The following FAM53A variants were observed in gnomAD, a reference collection of about 807,000 sequenced individuals.
FAM53A encodes family with sequence similarity 53 member A, also known as protein FAM53A.
Under a neutral mutation model 26.6 loss-of-function variants are expected in FAM53A, and 28 were observed. That is an observed-to-expected ratio of 1.05 (90% CI 0.78 to 1.45). The LOEUF (loss-of-function observed/expected upper bound fraction) is 1.45. Ranked by LOEUF, FAM53A falls within the 40% of genes most tolerant of loss-of-function variation. FAM53A has a pLI of 0.00. For missense variants in FAM53A, 650 were observed against 575.8 expected (o/e 1.13, Z -1.32); for synonymous variants, 290 against 253.1 (o/e 1.15, Z -1.38).
chr4:1,583,745 G>T, the FAM53A span, among the ~76,000 whole-genome samples: 2 of 152,214 alleles, frequency 1.3e-5, no homozygotes, highest in Non-Finnish European at 2.9e-5. Context: ...CCGGCTCATG[G>T]GTGGGCACCT....
intron 1 of FAM53A, among the ~76,000 whole-genome samples, chr4:1,681,772 G>C (rs1186220529): frequency 6.6e-6 from 1 of 152,044 alleles, no homozygotes; most frequent in Admixed American, 6.6e-5. Flanking sequence ...CAAAATGCTG[G>C]GGTTACAGGT....
At chr4:1,612,082 G>A in the FAM53A span, among the ~76,000 whole-genome samples, 1 of 152,178 alleles carries the variant, frequency 6.6e-6, no homozygotes, top group Non-Finnish European at 1.5e-5. Context: ...TTTGGCTGAT[G>A]AATTGAATGG....
the FAM53A span, among the ~76,000 whole-genome samples, chr4:1,592,197 A>G: frequency 6.6e-6 from 1 of 152,164 alleles, no homozygotes; most frequent in Non-Finnish European, 1.5e-5. Flanking sequence ...GATACCATCA[A>G]ACACCCCAGG....
At chr4:1,602,538 G>A in the FAM53A span, among the ~76,000 whole-genome samples, 72 of 152,298 alleles carry the variant, frequency 4.7e-4, no homozygotes, top group African/African-American at 1.4e-3. Context: ...TATCGGCAGC[G>A]GCCTCGAAAA....
At chr4:1,588,153 C>T in the FAM53A span, among the ~76,000 whole-genome samples, 1 of 152,200 alleles carries the variant, frequency 6.6e-6, no homozygotes, top group African/African-American at 2.4e-5. Context: ...CTGGGATTTT[C>T]CCATTCTCCA....
the FAM53A span, among the ~76,000 whole-genome samples, chr4:1,585,268 CTCTCTCTCTTT>C: frequency 9.0e-5 from 9 of 100,114 alleles, no homozygotes; most frequent in South Asian, 1.9e-3. Context: ...TACTCTCTCT[CTCTCTCTCTTT>C]TTTTTTTTTT....
chr4:1,675,307 G>A (rs1714968820), intron 1 of FAM53A, among the ~76,000 whole-genome samples: 1 of 152,130 alleles, frequency 6.6e-6, no homozygotes, highest in South Asian at 2.1e-4. Flanking sequence ...CTGAGCTCCG[G>A]GAAGCACAGC....
intron 2 of FAM53A, 42 bp downstream of exon 2, chr4:1,668,625 G>A (rs766003876): frequency 7.5e-6 from 12 of 1,604,960 alleles, no homozygotes; most frequent in Middle Eastern, 1.7e-4. Context: ...GTGACAGCAC[G>A]GGGGAGGGGC....
the FAM53A span, among the ~76,000 whole-genome samples, chr4:1,610,218 C>T: frequency 2.1e-4 from 32 of 152,172 alleles, no homozygotes; most frequent in African/African-American, 7.5e-4. Context: ...TCCCCAACCC[C>T]TCCCTACACC....
chr4:1,592,405 C>G, the FAM53A span, among the ~76,000 whole-genome samples: 4 of 152,240 alleles, frequency 2.6e-5, no homozygotes, highest in South Asian at 2.1e-4. Context: ...CAGATTACCC[C>G]CAAAGTCCCG....
At chr4:1,638,348 C>T (rs372730525), downstream of FAM53A, among the ~76,000 whole-genome samples, 49 of 152,242 alleles carry the variant, frequency 3.2e-4, no homozygotes, top group African/African-American at 1.1e-3. Flanking sequence ...CTGAACCTTC[C>T]GTCTCAGTCT....
downstream of FAM53A, among the ~76,000 whole-genome samples, chr4:1,636,730 G>C (rs997460504): frequency 2.0e-5 from 3 of 152,246 alleles, no homozygotes; most frequent in Non-Finnish European, 2.9e-5. Context: ...CCCAAGACCT[G>C]GGTTTTTCGG....
At chr4:1,592,818 G>C in the FAM53A span, among the ~76,000 whole-genome samples, 1 of 152,132 alleles carries the variant, frequency 6.6e-6, no homozygotes, top group Non-Finnish European at 1.5e-5. Flanking sequence ...GGGCGCCTGA[G>C]TGGGCGCCGG....
intron 4 of FAM53A, 22 bp from the exon 5 acceptor site, chr4:1,641,629 C>T: frequency 3.1e-6 from 5 of 1,612,988 alleles, no homozygotes; most frequent in Non-Finnish European, 4.2e-6. Context: ...AAGATACGGG[C>T]TTAAAGCATT....
chr4:1,615,906 A>G (rs1400631822), downstream of FAM53A, among the ~76,000 whole-genome samples: 1 of 152,192 alleles, frequency 6.6e-6, no homozygotes, highest in African/African-American at 2.4e-5. Context: ...CTGGGCAGGG[A>G]TGGGCAAGGC....
At chr4:1,589,559 T>C in the FAM53A span, among the ~76,000 whole-genome samples, 1 of 152,298 alleles carries the variant, frequency 6.6e-6, no homozygotes, top group African/African-American at 2.4e-5. Context: ...AATTATTTGT[T>C]TTCCATTTCA....
rs1416858461 is a variant in FAM53A at position 1,640,985 on chromosome 4, A to C, written c.*308T>G. ...CCGTGGCCCCGACCAGCTCACAGGAAACCTACTCTGTGCCCCAGGGCAGGT... is the reference window on the plus strand; with the variant it reads ...CCGTGGCCCCGACCAGCTCACAGGACACCTACTCTGTGCCCCAGGGCAGGT... On this transcript the variant is annotated 3_prime_UTR_variant, in exon 5 of 5. Transcript: ENST00000308132. 2.4e-5 allele frequency: 10 copies of C among 421,376 alleles called. No individual in the cohort carries two copies. Among genetic ancestry groups the C allele is most frequent in the Non-Finnish European group, 4.4e-5 (10 of 228,786 alleles). 26.1% of individuals were successfully genotyped at this position (421,376 alleles called of 1,614,324 possible).
intron 4 of FAM53A, among the ~76,000 whole-genome samples, chr4:1,643,777 G>A (rs930823114): frequency 6.6e-6 from 1 of 151,892 alleles, no homozygotes; most frequent in East Asian, 1.9e-4. Context: ...TTGTTGACCA[G>A]GCTGGTCTCA....
chr4:1,654,925 C>T (rs888600361), intron 4 of FAM53A, 53 bp downstream of exon 4: 15 of 1,470,710 alleles, frequency 1.0e-5, no homozygotes, highest in Admixed American at 2.5e-5. Flanking sequence ...ACCCCAGCAC[C>T]GCCCTGTCCA....
Sources: allele counts gnomAD v4.1 joint callset (sites outside exome capture counted in the v4.1 genomes callset), GRCh38; gene constraint gnomAD v4.1.1; transcripts MANE v1.5; gene names NCBI Gene and HGNC (gene_info 2026-07-23, HGNC 2026-07-21).